The following AGBL4 variants were observed in gnomAD, a reference collection of about 807,000 sequenced individuals.
AGBL4 encodes cytosolic carboxypeptidase 6.
A neutral mutation model predicts 66.4 loss-of-function variants in AGBL4; 58 were observed. That is an observed-to-expected ratio of 0.87 (90% CI 0.71 to 1.09). The LOEUF (loss-of-function observed/expected upper bound fraction) is 1.09, where lower values mean the gene tolerates loss of function less well. Among genes scored for constraint, AGBL4 ranks in the 50% least tolerant of loss-of-function variants. The pLI is 0.00. For synonymous variants in AGBL4, 234 were observed against 222.9 expected (o/e 1.05, Z -0.44); for missense variants, 579 against 631.0 (o/e 0.92, Z 0.88).
intron 1 of AGBL4, among the ~76,000 whole-genome samples, chr1:50,003,850 A>T (rs1660940238): frequency 6.6e-6 from 1 of 152,200 alleles, no homozygotes; most frequent in African/African-American, 2.4e-5. Flanking sequence ...TTCTTTGAAA[A>T]AGAAAGTTCT....
intron 2 of AGBL4, among the ~76,000 whole-genome samples, chr1:49,771,809 C>T (rs1644067372): frequency 6.6e-6 from 1 of 151,862 alleles, no homozygotes; most frequent in South Asian, 2.1e-4. Context: ...TATGGCTACT[C>T]TTGCCTGCTT....
chr1:49,972,386 T>C (rs1459399569), intron 1 of AGBL4, among the ~76,000 whole-genome samples: 3 of 152,106 alleles, frequency 2.0e-5, no homozygotes, highest in Non-Finnish European at 4.4e-5. Context: ...TGTGTACCCA[T>C]TGTTTAGTCC....
intron 11 of AGBL4, among the ~76,000 whole-genome samples, chr1:48,576,134 A>T (rs560403356): frequency 2.6e-5 from 4 of 152,344 alleles, no homozygotes; most frequent in African/African-American, 9.6e-5. Context: ...GCTGCACCGC[A>T]GGAGGTGAGT....
At chr1:48,529,292 A>G (rs1053379981), downstream of AGBL4, among the ~76,000 whole-genome samples, 5 of 151,920 alleles carry the variant, frequency 3.3e-5, no homozygotes, top group Non-Finnish European at 7.4e-5. Flanking sequence ...GCTCTAGAGA[A>G]GGGATTTCCA....
intron 3 of AGBL4, among the ~76,000 whole-genome samples, chr1:49,345,978 A>G (rs1027641016): frequency 3.9e-5 from 6 of 152,174 alleles, no homozygotes; most frequent in Non-Finnish European, 7.4e-5. Context: ...CCTTGGGCTG[A>G]GCTCAAAGCT....
At chr1:49,419,016 C>T (rs1409002652) in intron 3 of AGBL4, among the ~76,000 whole-genome samples, 1 of 152,072 alleles carries the variant, frequency 6.6e-6, no homozygotes, top group Non-Finnish European at 1.5e-5. Flanking sequence ...GAGAGATGAT[C>T]AGACTTTAAT....
At chr1:49,725,859 CTACAGTGAGAAACT>C (rs1181540626) in intron 2 of AGBL4, among the ~76,000 whole-genome samples, 1 of 151,786 alleles carries the variant, frequency 6.6e-6, no homozygotes, top group Admixed American at 6.6e-5. Context: ...TATATCCTTA[CTACAGTGAGAAACT>C]GAAAAGAATA....
chr1:49,709,835 T>C (rs1041779856), intron 2 of AGBL4, among the ~76,000 whole-genome samples: 1 of 151,944 alleles, frequency 6.6e-6, no homozygotes, highest in Non-Finnish European at 1.5e-5. Flanking sequence ...AACAAACATA[T>C]GAAAAAAAGC....
chr1:48,652,693 T>A (rs1415893579), intron 8 of AGBL4, among the ~76,000 whole-genome samples: 1 of 152,156 alleles, frequency 6.6e-6, no homozygotes, highest in African/African-American at 2.4e-5. Flanking sequence ...ACACTATCTA[T>A]CTCAAATGAG....
rs140033912 is a variant in AGBL4, at chr1:49,236,192, G to T, written c.377+9578C>A. Among the ~76,000 whole-genome samples, 5 of 151,914 alleles carry T rather than the reference G, an allele frequency of 3.3e-5. No homozygotes were observed. The East Asian group carries it at 7.8e-4, about 24-fold the overall frequency. ...TTATAGGTGCCCACCACCATGCCTGGCTAATTTTTTTTTGTATTAGAAGCA... is the reference window on the plus strand; with the variant it reads ...TTATAGGTGCCCACCACCATGCCTGTCTAATTTTTTTTTGTATTAGAAGCA... On this transcript the variant is annotated intron_variant, in intron 4 of 13. Coordinates refer to ENST00000371839, the MANE Select transcript of AGBL4 (RefSeq NM_032785.4).
At chr1:49,316,493 A>G (rs1645041714) in intron 3 of AGBL4, among the ~76,000 whole-genome samples, 1 of 151,170 alleles carries the variant, frequency 6.6e-6, no homozygotes, top group Non-Finnish European at 1.5e-5. Context: ...TCAATTACTG[A>G]GAGAGAGAGA....
chr1:49,620,267 A>C (rs1645332843), intron 3 of AGBL4, among the ~76,000 whole-genome samples: 1 of 152,212 alleles, frequency 6.6e-6, no homozygotes, highest in Admixed American at 6.5e-5. Context: ...ACTTAAATTT[A>C]CAAGAAAAAA....
intron 3 of AGBL4, among the ~76,000 whole-genome samples, chr1:49,355,193 AT>A (rs995082225): frequency 3.3e-5 from 5 of 152,226 alleles, no homozygotes; most frequent in Non-Finnish European, 7.3e-5. Context: ...CAACTACTTA[AT>A]TGAAATTTCA....
intron 6 of AGBL4, among the ~76,000 whole-genome samples, chr1:48,725,716 C>T (rs1647230953): frequency 6.6e-6 from 1 of 152,116 alleles, no homozygotes; most frequent in Non-Finnish European, 1.5e-5. Flanking sequence ...ATTATTTAAC[C>T]TTTTTTGAGC....
At chr1:48,994,457 G>A (rs545827510) in intron 5 of AGBL4, among the ~76,000 whole-genome samples, 3 of 152,162 alleles carry the variant, frequency 2.0e-5, no homozygotes, top group Non-Finnish European at 4.4e-5. Flanking sequence ...ATATACATAT[G>A]CACAGGCAGG....
intron 5 of AGBL4, among the ~76,000 whole-genome samples, chr1:48,871,484 G>C (rs1003081522): frequency 6.6e-6 from 1 of 152,020 alleles, no homozygotes; most frequent in African/African-American, 2.4e-5. Flanking sequence ...AAGTGTGCCT[G>C]TGTGGGATTC....
intron 4 of AGBL4, among the ~76,000 whole-genome samples, chr1:49,113,544 C>A (rs774906299): frequency 6.6e-6 from 1 of 152,168 alleles, no homozygotes; most frequent in Non-Finnish European, 1.5e-5. Flanking sequence ...TGAGCCACTG[C>A]GCCCAGACAC....
chr1:49,360,232 T>C (rs1264809913), intron 3 of AGBL4, among the ~76,000 whole-genome samples: 1 of 152,192 alleles, frequency 6.6e-6, no homozygotes, highest in Non-Finnish European at 1.5e-5. Context: ...TTTTAGAATA[T>C]ACTTTCTGCT....
Position 48,688,482 on chromosome 1 carries a change from C to T in AGBL4, c.635-25241G>A, listed in dbSNP as rs183695236. ...GGCTTAACTCTTGTTCCATTTCATG[C>T]ACCCATTTATTCAACAAAGACATTG... On this transcript the variant is annotated intron_variant, in intron 6 of 13. Transcript: ENST00000371839. 5.0e-3 allele frequency among the ~76,000 whole-genome samples: 758 copies of T among 152,324 alleles called. 4 individuals are homozygous for T. The highest frequency in any genetic ancestry group is 8.5e-3 in the Non-Finnish European group (575 of 68,024).
Sources: gnomAD v4.1 joint callset for allele counts (sites outside exome capture counted in the v4.1 genomes callset) on GRCh38, gnomAD v4.1.1 for gene constraint, MANE v1.5 for transcripts, NCBI Gene and HGNC (gene_info 2026-07-23, HGNC 2026-07-21) for gene names.